Variants in TMEM117 observed in about 807,000 individuals in gnomAD.
TMEM117 encodes the protein transmembrane protein 117.
TMEM117 carries 27 observed loss-of-function variants against 52.4 expected under a neutral mutation model. The observed-to-expected ratio is 0.51, with a 90% CI of 0.38 to 0.71. The LOEUF (loss-of-function observed/expected upper bound fraction) is 0.71. TMEM117 is among the 30% of genes least tolerant of loss of function. TMEM117 has a pLI of 0.00. For synonymous variants in TMEM117, 215 were observed against 206.3 expected, an observed-to-expected ratio of 1.04 and a Z score of -0.36; for missense variants, 556 against 630.5, an observed-to-expected ratio of 0.88 and a Z score of 1.26.
At chr12:44,182,923 T>TTGCC (rs1439383701) in intron 4 of TMEM117, among the ~76,000 whole-genome samples, 1 of 152,192 alleles carries the variant, frequency 6.6e-6, no homozygotes, top group Non-Finnish European at 1.5e-5. Context: ...CATCTATTAG[T>TTGCC]TGCCTTCTCT....
chr12:44,346,716 A>G (rs1232502683), intron 6 of TMEM117, among the ~76,000 whole-genome samples: 2 of 152,048 alleles, frequency 1.3e-5, no homozygotes, highest in South Asian at 2.1e-4. Flanking sequence ...TTCAGAACAC[A>G]ATTTGAGTCA....
chr12:43,933,203 C>CTTT (rs777405057), intron 2 of TMEM117, among the ~76,000 whole-genome samples: 2 of 142,458 alleles, frequency 1.4e-5, no homozygotes, highest in Admixed American at 7.1e-5. Context: ...GTAATATTAA[C>CTTT]TTTTTTTTTT....
chr12:44,370,630 A>C (rs1053186099), intron 6 of TMEM117, among the ~76,000 whole-genome samples: 1 of 146,808 alleles, frequency 6.8e-6, no homozygotes, highest in African/African-American at 2.5e-5. Context: ...TGATTCTTCT[A>C]CCTCCGCCTC....
intron 7 of TMEM117, 141 bp from the exon 8 acceptor site, chr12:44,387,885 G>A (rs1952111642): frequency 1.2e-6 from 1 of 801,598 alleles, no homozygotes; most frequent in Non-Finnish European, 1.9e-6. Context: ...TGGCAGCACA[G>A]CACTCTCAAA....
At chr12:44,133,564 A>G (rs1948446510) in intron 3 of TMEM117, among the ~76,000 whole-genome samples, 1 of 151,998 alleles carries the variant, frequency 6.6e-6, no homozygotes, top group African/African-American at 2.4e-5. Context: ...TGAAACACAC[A>G]TTTCAAAAGC....
chr12:43,936,006 A>G (rs1944946736), intron 2 of TMEM117, among the ~76,000 whole-genome samples: 1 of 151,906 alleles, frequency 6.6e-6, no homozygotes, highest in Non-Finnish European at 1.5e-5. Context: ...GTATGGGTCA[A>G]ATTAATTCAT....
At chr12:43,837,239 C>A (rs1256631532) in intron 1 of TMEM117, among the ~76,000 whole-genome samples, 1 of 152,110 alleles carries the variant, frequency 6.6e-6, no homozygotes, top group Non-Finnish European at 1.5e-5. Flanking sequence ...TTTAAGCTGT[C>A]ATTAAAAAAT....
chr12:44,189,351 A>G (rs1304239759), intron 4 of TMEM117, among the ~76,000 whole-genome samples: 1 of 152,148 alleles, frequency 6.6e-6, no homozygotes, highest in Non-Finnish European at 1.5e-5. Context: ...TTCTCTCTTC[A>G]GTATGAAAGG....
At chr12:43,854,795 C>T (rs985689792) in intron 2 of TMEM117, among the ~76,000 whole-genome samples, 4 of 152,074 alleles carry the variant, frequency 2.6e-5, no homozygotes, top group African/African-American at 7.2e-5. Flanking sequence ...CACCACCACA[C>T]CTGGCTAATT....
chr12:44,272,973 A>G (rs1163954810), intron 5 of TMEM117, among the ~76,000 whole-genome samples: 1 of 152,204 alleles, frequency 6.6e-6, no homozygotes, highest in East Asian at 1.9e-4. Flanking sequence ...AACCAACCCA[A>G]ATGTCCAACA....
chr12:43,942,780 T>G (rs1194470648), intron 2 of TMEM117, among the ~76,000 whole-genome samples: 1 of 152,172 alleles, frequency 6.6e-6, no homozygotes, highest in African/African-American at 2.4e-5. Context: ...CTCAGTGAGA[T>G]ATATGAGAGA....
At position 43,935,120 on chromosome 12, in the gene TMEM117, C is replaced by T. The variant is rs1944930718; in HGVS notation, c.278-9090C>T. On this transcript the variant is annotated intron_variant, in intron 2 of 7. Coordinates refer to ENST00000266534, the MANE Select transcript of TMEM117 (RefSeq NM_032256.3). ...CCTCCTTGGGCTCAGTCGATTCTCC[C>T]ACCTCAATCTCTGGAGTAGCTGGGA... Among the ~76,000 whole-genome samples the T allele has an allele frequency of 3.3e-5, 5 of 152,236 alleles. No homozygotes were observed. The South Asian group carries it at 1.0e-3, about 32-fold the overall frequency.
chr12:44,018,413 G>T (rs1279741947), intron 3 of TMEM117, among the ~76,000 whole-genome samples: 1 of 152,074 alleles, frequency 6.6e-6, no homozygotes, highest in Admixed American at 6.6e-5. Context: ...TTCTAAGCAT[G>T]CAATAAAAAC....
chr12:43,800,909 C>T, the TMEM117 span, among the ~76,000 whole-genome samples: 1 of 152,102 alleles, frequency 6.6e-6, no homozygotes, highest in Non-Finnish European at 1.5e-5. Context: ...CGCCACCACA[C>T]TTGGCTAATT....
chr12:44,355,361 A>G (rs769044524), intron 6 of TMEM117, among the ~76,000 whole-genome samples: 16 of 151,958 alleles, frequency 1.1e-4, no homozygotes, highest in Non-Finnish European at 2.1e-4. Context: ...TCCATTGCCT[A>G]TTTGGAGGTT....
At position 44,067,324 on chromosome 12, in the gene TMEM117, G is replaced by A. The variant is rs149613252; in HGVS notation, c.411-76201G>A. Among the ~76,000 whole-genome samples the A allele has an allele frequency of 1.6e-3, 241 of 152,232 alleles. 1 individual carries two copies. Among genetic ancestry groups the A allele is most frequent in the Non-Finnish European group, 2.3e-3 (155 of 68,014 alleles). On this transcript the variant is annotated intron_variant, in intron 3 of 7. Transcript: ENST00000266534. ...TCACAAATGTTCTTAATGTCATCTA[G>A]AATGGTGAATCCTTTCCAGACTATT...
At chr12:44,181,538 T>G (rs1336888210) in intron 4 of TMEM117, among the ~76,000 whole-genome samples, 1 of 151,026 alleles carries the variant, frequency 6.6e-6, no homozygotes. Context: ...GTATAAGGTG[T>G]AAGGAAGGGA....
chr12:44,291,834 G>C (rs1452846203), intron 5 of TMEM117, among the ~76,000 whole-genome samples: 2 of 152,074 alleles, frequency 1.3e-5, no homozygotes, highest in East Asian at 3.9e-4. Flanking sequence ...GCTTGCCAAG[G>C]ATAAATGTCA....
chr12:44,352,078 G>C (rs1951569943), intron 6 of TMEM117, among the ~76,000 whole-genome samples: 1 of 151,458 alleles, frequency 6.6e-6, no homozygotes, highest in South Asian at 2.1e-4. Flanking sequence ...TTTCTCTTTT[G>C]TTTCTTCTTT....
Sources: gnomAD v4.1 joint callset for allele counts (sites outside exome capture counted in the v4.1 genomes callset) on GRCh38, gnomAD v4.1.1 for gene constraint, MANE v1.5 for transcripts, NCBI Gene and HGNC (gene_info 2026-07-23, HGNC 2026-07-21) for gene names.